Variants in TOX observed in about 807,000 individuals in gnomAD.
TOX encodes the protein thymocyte selection associated high mobility group box.
Under a neutral mutation model 53.7 loss-of-function variants are expected in TOX, and 11 were observed. That is an observed-to-expected ratio of 0.20 (90% CI 0.13 to 0.34). The LOEUF is 0.34. Ranked by LOEUF, TOX falls within the 10% of genes least tolerant of loss-of-function variation. TOX has a pLI of 1.00. For missense variants in TOX, 570 were observed against 664.6 expected (o/e 0.86, Z 1.56); for synonymous variants, 225 against 245.3 (o/e 0.92, Z 0.77).
intron 2 of TOX, among the ~76,000 whole-genome samples, chr8:58,948,516 C>G (rs1226766705): frequency 6.6e-6 from 1 of 152,096 alleles, no homozygotes; most frequent in East Asian, 1.9e-4. Context: ...TTTTGGAAAA[C>G]AAATAATGTA....
chr8:58,896,900 A>G (rs1486186735), intron 3 of TOX, among the ~76,000 whole-genome samples: 2 of 152,110 alleles, frequency 1.3e-5, no homozygotes, highest in African/African-American at 4.8e-5. Flanking sequence ...ACATATTCCT[A>G]CGTTAGGGAT....
chr8:58,977,450 C>T (rs1813122553), intron 1 of TOX, among the ~76,000 whole-genome samples: 1 of 152,196 alleles, frequency 6.6e-6, no homozygotes. Flanking sequence ...AGCAATAAGG[C>T]TGTTTCACTT....
At chr8:58,962,021 A>C (rs2129178668) in intron 1 of TOX, among the ~76,000 whole-genome samples, 1 of 152,356 alleles carries the variant, frequency 6.6e-6, no homozygotes, top group South Asian at 2.1e-4. Context: ...TAACAAACTA[A>C]ACCGAAGAAG....
rs1396027318 is a variant in TOX, at chr8:58,859,163, CTTTAT to C, written c.412-7363_412-7359del. ...TGTAGAAATGTGTACTTTAAATAAACTTTATTTTAAGATTTTTGCTATTAGACTTC... is the reference window on the plus strand; with the variant it reads ...TGTAGAAATGTGTACTTTAAATAAACTTTAAGATTTTTGCTATTAGACTTC... On this transcript the variant is annotated intron_variant, in intron 3 of 8. Coordinates refer to ENST00000361421, the MANE Select transcript of TOX (RefSeq NM_014729.3). Among the ~76,000 whole-genome samples the C allele has an allele frequency of 1.3e-4, 20 of 152,124 alleles. 2 individuals carry two copies. In the South Asian group the frequency reaches 3.5e-3, roughly 27 times the overall value.
intron 1 of TOX, among the ~76,000 whole-genome samples, chr8:59,018,422 A>G (rs1814055054): frequency 6.6e-6 from 1 of 152,190 alleles, no homozygotes; most frequent in African/African-American, 2.4e-5. Flanking sequence ...GTTTTATTTC[A>G]ATATCAGGAA....
chr8:59,046,647 C>G (rs959082747), intron 1 of TOX, among the ~76,000 whole-genome samples: 1 of 152,016 alleles, frequency 6.6e-6, no homozygotes, highest in African/African-American at 2.4e-5. Flanking sequence ...CATTTGAAGT[C>G]CAGAGTTCAA....
At chr8:58,864,165 C>A (rs537948296) in intron 3 of TOX, among the ~76,000 whole-genome samples, 2 of 152,084 alleles carry the variant, frequency 1.3e-5, no homozygotes, top group African/African-American at 4.8e-5. Flanking sequence ...TGTGGCCTTT[C>A]ATCCAATGAT....
intron 1 of TOX, among the ~76,000 whole-genome samples, chr8:58,980,576 T>C (rs1813185490): frequency 6.6e-6 from 1 of 152,204 alleles, no homozygotes; most frequent in South Asian, 2.1e-4. Context: ...AGTGTATTCA[T>C]TGATTGACTA....
At chr8:59,111,329 T>C (rs1365007554) in intron 1 of TOX, among the ~76,000 whole-genome samples, 1 of 152,190 alleles carries the variant, frequency 6.6e-6, no homozygotes, top group Non-Finnish European at 1.5e-5. Context: ...ATATAACATG[T>C]CTGTTTAAAG....
chr8:59,092,302 T>TATATAATATATACATTATA (rs1804630725), intron 1 of TOX, among the ~76,000 whole-genome samples: 1 of 104,630 alleles, frequency 9.6e-6, no homozygotes, highest in African/African-American at 8.8e-5. Context: ...ATTATATATA[T>TATATAATATATACATTATA]TATATATTAT....
At chr8:58,983,450 T>C (rs1422663582) in intron 1 of TOX, among the ~76,000 whole-genome samples, 2 of 152,218 alleles carry the variant, frequency 1.3e-5, no homozygotes, top group East Asian at 3.8e-4. Context: ...ATCCATGTTC[T>C]ACCTCTTAAA....
intron 7 of TOX, among the ~76,000 whole-genome samples, chr8:58,810,848 A>C (rs1810065539): frequency 6.6e-6 from 1 of 152,066 alleles, no homozygotes; most frequent in Non-Finnish European, 1.5e-5. Context: ...CCCCACACAA[A>C]GACCACAGAA....
chr8:59,011,895 AT>A (rs1475977837), intron 1 of TOX, among the ~76,000 whole-genome samples: 3 of 152,212 alleles, frequency 2.0e-5, no homozygotes, highest in Non-Finnish European at 4.4e-5. Flanking sequence ...CCAATGCCAC[AT>A]CATGGGGACA....
At chr8:59,084,742 T>C (rs1037858981) in intron 1 of TOX, among the ~76,000 whole-genome samples, 1 of 152,212 alleles carries the variant, frequency 6.6e-6, no homozygotes, top group Non-Finnish European at 1.5e-5. Flanking sequence ...ATTCTAGAAA[T>C]GTCAGCTTTT....
chr8:59,058,405 A>G (rs1190318206), intron 1 of TOX, among the ~76,000 whole-genome samples: 6 of 152,230 alleles, frequency 3.9e-5, no homozygotes, highest in Non-Finnish European at 1.5e-5. Context: ...GTGGTCCAGA[A>G]GGAGCAAGTG....
chr8:59,108,919 T>G (rs929875142), intron 1 of TOX, among the ~76,000 whole-genome samples: 11 of 152,194 alleles, frequency 7.2e-5, no homozygotes, highest in African/African-American at 2.4e-4. Context: ...TTGCACAATT[T>G]TCCAGCAAAA....
intron 1 of TOX, among the ~76,000 whole-genome samples, chr8:59,067,361 C>G (rs755522728): frequency 1.3e-5 from 2 of 152,114 alleles, no homozygotes; most frequent in Non-Finnish European, 2.9e-5. Flanking sequence ...TGATACCAGC[C>G]TGGCCAACAT....
chr8:59,014,174 A>C (rs1197103762), intron 1 of TOX, among the ~76,000 whole-genome samples: 2 of 152,246 alleles, frequency 1.3e-5, no homozygotes. Context: ...TATTGAAAAC[A>C]AGACTTTTGT....
At chr8:58,945,035 T>A (rs1437683912) in intron 2 of TOX, among the ~76,000 whole-genome samples, 2 of 152,174 alleles carry the variant, frequency 1.3e-5, no homozygotes, top group Admixed American at 1.3e-4. Context: ...AATAAAAAGA[T>A]GGTGGGGAAC....
Sources: allele counts gnomAD v4.1 joint callset (sites outside exome capture counted in the v4.1 genomes callset), GRCh38; gene constraint gnomAD v4.1.1; transcripts MANE v1.5; gene names NCBI Gene and HGNC (gene_info 2026-07-23, HGNC 2026-07-21).